ADAMTS17: variants seen among roughly 807,000 people sequenced by gnomAD.
ADAMTS17 encodes ADAM metallopeptidase with thrombospondin type 1 motif 17, also known as A disintegrin and metalloproteinase with thrombospondin motifs 17.
Under a neutral mutation model 141.5 loss-of-function variants are expected in ADAMTS17, and 113 were observed. The ratio of observed to expected loss-of-function variants is 0.80; its 90% CI spans 0.69 to 0.93. ADAMTS17 has a LOEUF of 0.93. Ranked by LOEUF, ADAMTS17 falls within the 40% of genes least tolerant of loss-of-function variation. The pLI is 0.00. For synonymous variants in ADAMTS17, 768 were observed against 630.6 expected, an observed-to-expected ratio of 1.22 and a Z score of -3.27; for missense variants, 1,659 against 1,517.9, an observed-to-expected ratio of 1.09 and a Z score of -1.54.
rs1159138690 is a variant in ADAMTS17 at position 100,099,275 on chromosome 15, T to G, written c.2017-2799A>C. Among the ~76,000 whole-genome samples the G allele has an allele frequency of 2.0e-5, 3 of 152,206 alleles. 1 individual carries two copies. Among genetic ancestry groups the G allele is most frequent in the Non-Finnish European group, 4.4e-5 (3 of 68,042 alleles). On this transcript the variant is annotated intron_variant, in intron 14 of 21. Coordinates refer to ENST00000268070, the MANE Select transcript of ADAMTS17 (RefSeq NM_139057.4). ...CAGGGAATGCAGGGCTGTCCATGTC[T>G]GAACAGCAGTGACTCTAAATGCTGA... is the stretch of plus-strand genomic sequence containing the variant.
intron 6 of ADAMTS17, among the ~76,000 whole-genome samples, chr15:100,258,286 C>G (rs1411409183): frequency 6.6e-6 from 1 of 152,138 alleles, no homozygotes; most frequent in African/African-American, 2.4e-5. Flanking sequence ...TTTTGAGGTA[C>G]CATCATCTGG....
chr15:100,157,575 C>T (rs562129650), intron 8 of ADAMTS17, among the ~76,000 whole-genome samples: 1 of 152,288 alleles, frequency 6.6e-6, no homozygotes, highest in South Asian at 2.1e-4. Context: ...CCCACAGGCT[C>T]TTCCAACTCA....
intron 3 of ADAMTS17, among the ~76,000 whole-genome samples, chr15:100,316,195 C>CCCAGGAT (rs1266123495): frequency 6.6e-6 from 1 of 152,174 alleles, no homozygotes; most frequent in Non-Finnish European, 1.5e-5. Flanking sequence ...TGGCTGCCTC[C>CCCAGGAT]CCAGGATGCC....
rs1323560486 is a variant in ADAMTS17 at position 99,974,485 on chromosome 15, C to G, written c.3205G>C (p.Asp1069His). 3 of 1,614,092 alleles carry G rather than the reference C, an allele frequency of 1.9e-6. No homozygotes were observed. The highest frequency in any genetic ancestry group is 2.5e-6 in the Non-Finnish European group (3 of 1,180,046). The change falls in exon 22 of 22, where the codon GAC becomes CAC. Residue 1069 changes from aspartate to histidine, a missense_variant. Physicochemically the swap from Asp to His is moderately conservative, Grantham distance 81. Transcript: ENST00000268070. ...RVIREKNLCQ[D>H]MRWYQRCCQT... is the part of the protein sequence containing the mutation. ...CAGCAGCGCTGGTACCACCGCATGT[C>G]CTGGCAGAGGTTCTTTTCTCGGATG...
intron 18 of ADAMTS17, among the ~76,000 whole-genome samples, chr15:100,014,429 T>C (rs766336581): frequency 6.6e-6 from 1 of 152,184 alleles, no homozygotes; most frequent in Non-Finnish European, 1.5e-5. Context: ...CTTGTTTCTC[T>C]AGTTCCTTGA....
Position 100,155,239 on chromosome 15 carries a change from C to G in ADAMTS17, c.1263G>C (p.Arg421=), listed in dbSNP as rs747285202. The G allele has an allele frequency of 8.1e-6, 13 of 1,614,086 alleles. No homozygotes were observed. Among genetic ancestry groups the G allele is most frequent in the Non-Finnish European group, 3.4e-6 (4 of 1,180,056 alleles). The change falls in exon 9 of 22, where the codon CGG becomes CGC. Residue 421 remains arginine, a synonymous_variant. Transcript: ENST00000268070. The stretch of plus-strand genomic sequence containing the variant: ...AGGACCAAGAGAGGTCACTTGGGTT[C>G]CGGCCTTTCACCCACTCTCCTGACA... ...HIMSGEWVKG[R]NPSDLSWSSC...
intron 8 of ADAMTS17, among the ~76,000 whole-genome samples, chr15:100,156,813 G>A (rs1377728463): frequency 6.6e-6 from 1 of 152,120 alleles, no homozygotes; most frequent in East Asian, 1.9e-4. Flanking sequence ...CTTTTTATGT[G>A]TATACAAACA....
intron 18 of ADAMTS17, among the ~76,000 whole-genome samples, chr15:100,048,546 G>C (rs552171341): frequency 1.0e-3 from 147 of 145,092 alleles, no homozygotes; most frequent in African/African-American, 3.5e-3. Flanking sequence ...CCAAGACAAA[G>C]TAATTTGGGG....
At chr15:99,995,073 T>C (rs754905084) in intron 19 of ADAMTS17, among the ~76,000 whole-genome samples, 2 of 152,216 alleles carry the variant, frequency 1.3e-5, no homozygotes, top group Non-Finnish European at 2.9e-5. Flanking sequence ...GGGCTTTGCA[T>C]GCAGGAGCAG....
chr15:100,324,324 A>G (rs570656639), intron 3 of ADAMTS17, among the ~76,000 whole-genome samples: 1 of 152,112 alleles, frequency 6.6e-6, no homozygotes, highest in African/African-American at 2.4e-5. Flanking sequence ...AATAAATAGA[A>G]AAAAAAAGCT....
intron 3 of ADAMTS17, among the ~76,000 whole-genome samples, chr15:100,314,600 A>C (rs1567525802): frequency 6.6e-6 from 1 of 152,232 alleles, no homozygotes; most frequent in Admixed American, 6.5e-5. Context: ...CCAAAATAAG[A>C]AGCAAACCAA....
chr15:100,063,672 G>A lies in ADAMTS17; in HGVS notation c.2138-9618C>T, dbSNP rs1196097277. On this transcript the variant is annotated intron_variant, in intron 15 of 21. Coordinates refer to ENST00000268070, the MANE Select transcript of ADAMTS17 (RefSeq NM_139057.4). ...ATAAATGGTGAGTCAAGTCATTTGT[G>A]TTTTACCCAGAAAGCTGTGGGCAGG... The A allele has an allele frequency of 5.4e-6, 7 of 1,289,852 alleles. No homozygotes were observed. The South Asian group carries it at 8.6e-5, about 16-fold the overall frequency. The allele number at this position is 1,289,852 out of a possible 1,614,324, so 79.9% of individuals were successfully genotyped here.
At chr15:100,324,115 G>A (rs938228198) in intron 3 of ADAMTS17, among the ~76,000 whole-genome samples, 7 of 151,798 alleles carry the variant, frequency 4.6e-5, no homozygotes, top group African/African-American at 1.7e-4. Flanking sequence ...GACCACCCTG[G>A]CCAACATGGC....
chr15:100,158,013 C>T (rs989956900), intron 8 of ADAMTS17, among the ~76,000 whole-genome samples: 3 of 152,052 alleles, frequency 2.0e-5, no homozygotes, highest in East Asian at 1.9e-4. Context: ...CTCAGCCTCC[C>T]GAATAGCTGG....
In ADAMTS17 at chr15:99,972,389, A is replaced by C. The variant is rs2727194; in HGVS notation, c.*2013T>G. ...GGTGTGGGGCCCTTGCCAGGGTGAC[A>C]GTGGGCATATCTGGAGGCCCCGGGG... is the stretch of plus-strand genomic sequence containing the variant. On this transcript the variant is annotated 3_prime_UTR_variant, in exon 22 of 22. Coordinates refer to ENST00000268070, the MANE Select transcript of ADAMTS17 (RefSeq NM_139057.4). 1 allele frequency: 152,289 copies of C among 152,328 alleles called. 76,125 individuals are homozygous for C. Among genetic ancestry groups the C allele is most frequent in the Middle Eastern group, 1 (294 of 294 alleles). The allele number at this position is 152,328 out of a possible 1,614,324, so 9.4% of individuals were successfully genotyped here.
intron 8 of ADAMTS17, among the ~76,000 whole-genome samples, chr15:100,175,329 G>A (rs959301557): frequency 2.0e-5 from 3 of 152,174 alleles, no homozygotes; most frequent in Admixed American, 1.3e-4. Context: ...ACAGCCTTCT[G>A]TCCTTATCCT....
At position 100,116,785 on chromosome 15, in the gene ADAMTS17, G is replaced by C. The variant is rs566826879; in HGVS notation, c.1888+62C>G. On this transcript the variant is annotated intron_variant, in intron 13 of 21. Coordinates refer to ENST00000268070, the MANE Select transcript of ADAMTS17 (RefSeq NM_139057.4). The stretch of plus-strand genomic sequence containing the variant: ...GGATGCCCCCCGGCTTCCCTAGGTG[G>C]TTTTTATATTCTTAGGGGAGGACAG... 1.9e-4 allele frequency: 303 copies of C among 1,611,284 alleles called. No homozygotes were observed. The African/African-American group carries it at 3.6e-3, about 19-fold the overall frequency.
At chr15:100,329,502 G>C (rs780484940) in intron 3 of ADAMTS17, among the ~76,000 whole-genome samples, 1 of 149,024 alleles carries the variant, frequency 6.7e-6, no homozygotes, top group East Asian at 1.9e-4. Flanking sequence ...CTCCAGCCTG[G>C]GTGACAGAGT....
chr15:100,210,050 C>G (rs1299841507), intron 7 of ADAMTS17, among the ~76,000 whole-genome samples: 8 of 151,704 alleles, frequency 5.3e-5, no homozygotes, highest in South Asian at 2.1e-4. Context: ...CTGGCTAACA[C>G]GGTGAAACCC....
Sources: allele counts gnomAD v4.1 joint callset (sites outside exome capture counted in the v4.1 genomes callset), GRCh38; gene constraint gnomAD v4.1.1; transcripts MANE v1.5; gene names NCBI Gene and HGNC (gene_info 2026-07-23, HGNC 2026-07-21).